The following ZFR variants were observed in gnomAD, a reference collection of about 807,000 sequenced individuals.
The protein encoded by ZFR is zinc finger RNA-binding protein.
A neutral mutation model predicts 130.7 loss-of-function variants in ZFR; 19 were observed. The observed-to-expected ratio is 0.15, with a 90% confidence interval of 0.10 to 0.21. The LOEUF (loss-of-function observed/expected upper bound fraction) is 0.21. Ranked by LOEUF, ZFR falls within the 10% of genes least tolerant of loss-of-function variation. The pLI, the probability that ZFR is intolerant of heterozygous loss-of-function variation, is 1.00. For synonymous variants in ZFR, 466 were observed against 456.9 expected (o/e 1.02, Z -0.25); for missense variants, 872 against 1,321.5 (o/e 0.66, Z 5.27).
intron 5 of ZFR, among the ~76,000 whole-genome samples, chr5:32,412,448 C>G (rs1052212443): frequency 6.6e-6 from 1 of 152,170 alleles, no homozygotes; most frequent in Non-Finnish European, 1.5e-5. Flanking sequence ...AGCAAACTAA[C>G]AAAGAATGGC....
chr5:32,373,254 G>A (rs1020153066), intron 17 of ZFR, among the ~76,000 whole-genome samples: 13 of 152,058 alleles, frequency 8.5e-5, no homozygotes, highest in African/African-American at 2.9e-4. Context: ...TTAGTCAGGC[G>A]TGGTGGTGCA....
chr5:32,379,255 T>G, intron 16 of ZFR, 45 bp from the exon 17 acceptor site: 1 of 1,513,686 alleles, frequency 6.6e-7, no homozygotes. Flanking sequence ...TTAGAAATAC[T>G]GAATATATCC....
At chr5:32,433,770 G>A (rs184175595) in intron 2 of ZFR, among the ~76,000 whole-genome samples, 2 of 152,292 alleles carry the variant, frequency 1.3e-5, no homozygotes, top group African/African-American at 2.4e-5. Flanking sequence ...ATATTTTAGT[G>A]CACAAACTTC....
chr5:32,399,674 A>G (rs1209166444), intron 9 of ZFR, among the ~76,000 whole-genome samples: 1 of 152,222 alleles, frequency 6.6e-6, no homozygotes, highest in Non-Finnish European at 1.5e-5. Context: ...TCTCTTTATC[A>G]ACATTTTTGC....
At chr5:32,389,574 C>G (rs368292570) in intron 12 of ZFR, among the ~76,000 whole-genome samples, 2 of 152,078 alleles carry the variant, frequency 1.3e-5, no homozygotes, top group East Asian at 3.9e-4. Flanking sequence ...ACCGGCTACT[C>G]GGGAAGCTGA....
intron 2 of ZFR, among the ~76,000 whole-genome samples, chr5:32,441,001 GTC>G (rs1318031834): frequency 6.6e-6 from 1 of 152,150 alleles, no homozygotes; most frequent in African/African-American, 2.4e-5. Context: ...TTGAGACGGA[GTC>G]TGTCTCTGTT....
chr5:32,363,847 AATATTAT>A lies in ZFR; in HGVS notation c.3045+94_3045+100del. ...TGCTTACTACAGAAGCAGAAGAACG[AATATTAT>A]ATAGTGACTTATAATATTCCTTAAG... On this transcript the variant is annotated intron_variant, in intron 19 of 19. Coordinates refer to ENST00000265069, the MANE Select transcript of ZFR (RefSeq NM_016107.5). 3.1e-6 allele frequency: 3 copies of A among 972,526 alleles called. No individual in the cohort carries two copies. The South Asian group carries it at 6.6e-5, about 21-fold the overall frequency. 60.2% of individuals were successfully genotyped at this position (972,526 alleles called of 1,614,324 possible).
At chr5:32,441,569 T>C (rs1754475513) in intron 2 of ZFR, among the ~76,000 whole-genome samples, 1 of 152,094 alleles carries the variant, frequency 6.6e-6, no homozygotes, top group African/African-American at 2.4e-5. Flanking sequence ...ACTTAAGATT[T>C]TCCTGAGTTT....
rs193270568 is a variant in ZFR, at chr5:32,397,492, C to T, written c.1714-154G>A. ...TCCCCAGGACAGAGTCTTGCTCTGT[C>T]GCCCATGCTGGAGTGCAGTGGTTTG... On this transcript the variant is annotated intron_variant, in intron 9 of 19. Transcript: ENST00000265069. Among the ~76,000 whole-genome samples the T allele has an allele frequency of 2.8e-3, 429 of 152,182 alleles. 2 individuals are homozygous for T. Among genetic ancestry groups the T allele is most frequent in the Non-Finnish European group, 4.8e-3 (325 of 68,004 alleles).
Position 32,395,275 on chromosome 5 carries a change from T to C in ZFR, c.1863A>G (p.Glu621=). Residue 621 remains glutamate (E), a synonymous_variant, in exon 11 of 20, where the codon GAA becomes GAG. Coordinates refer to ENST00000265069, the MANE Select transcript of ZFR (RefSeq NM_016107.5). The part of the protein sequence containing the change: ...KKKVNPDLQV[E]VKPSIRARKI... ...TTCTTGCTCGAATACTAGGCTTTAC[T>C]TCTACTTGCAAATCTGGATTTACTT... 6.3e-7 allele frequency: 1 copy of C among 1,594,880 alleles called. No individual in the cohort carries two copies. The highest frequency in any genetic ancestry group is 8.5e-7 in the Non-Finnish European group (1 of 1,173,242).
In ZFR at chr5:32,415,033, C is replaced by A. The variant is rs1163978499; in HGVS notation, c.720G>T (p.Ala240=). The A allele has an allele frequency of 1.2e-6, 2 of 1,614,014 alleles. No homozygotes were observed. The highest frequency in any genetic ancestry group is 1.7e-6 in the Non-Finnish European group (2 of 1,179,978). ...VSSTVQPVAA[A]ATVVPSYTQS... ...GAGTATAGGATGGCACCACAGTAGC[C>A]GCAGCTGCTACTGGCTGTACGGTGG... The change falls in exon 5 of 20, where the codon GCG becomes GCT. Residue 240 remains alanine (A), a synonymous_variant. Coordinates refer to ENST00000265069, the MANE Select transcript of ZFR (RefSeq NM_016107.5).
chr5:32,413,196 AAAAACAAAAC>A (rs1554073448), intron 5 of ZFR, among the ~76,000 whole-genome samples: 2 of 151,662 alleles, frequency 1.3e-5, no homozygotes, highest in Non-Finnish European at 2.9e-5. Flanking sequence ...TAATCTCAAA[AAAAACAAAAC>A]AAAACAAAAC....
chr5:32,391,515 G>A (rs567259699), intron 11 of ZFR, among the ~76,000 whole-genome samples: 40 of 140,704 alleles, frequency 2.8e-4, no homozygotes, highest in African/African-American at 9.7e-4. Context: ...CAACATATGC[G>A]AAATCTACTC....
At chr5:32,359,305 G>A (rs1225533244) in intron 19 of ZFR, among the ~76,000 whole-genome samples, 4 of 139,382 alleles carry the variant, frequency 2.9e-5, no homozygotes, top group Non-Finnish European at 1.5e-5. Flanking sequence ...ATTTTTTTGC[G>A]ATTTTTTTTT....
At chr5:32,379,907 T>C (rs1752899095) in intron 16 of ZFR, 168 bp downstream of exon 16, 1 of 519,030 alleles carries the variant, frequency 1.9e-6, no homozygotes, top group Non-Finnish European at 3.4e-6. Flanking sequence ...ATAACTGCAA[T>C]ATGCAGATCA....
At position 32,415,038 on chromosome 5, in the gene ZFR, C is replaced by G; in HGVS notation, c.715G>C (p.Ala239Pro). The change falls in exon 5 of 20, where the codon GCT becomes CCT. Residue 239 changes from alanine (A) to proline (P), a missense_variant. Ala to Pro is a conservative substitution (Grantham distance 27). Coordinates refer to ENST00000265069, the MANE Select transcript of ZFR (RefSeq NM_016107.5). ...PVSSTVQPVA[A>P]AATVVPSYTQ... ...TAGGATGGCACCACAGTAGCCGCAG[C>G]TGCTACTGGCTGTACGGTGGAGGAT... The G allele has an allele frequency of 6.2e-7, 1 of 1,614,076 alleles. No homozygotes were observed. Among genetic ancestry groups the G allele is most frequent in the Non-Finnish European group, 8.5e-7 (1 of 1,179,988 alleles).
rs79563531 is a variant in ZFR, at chr5:32,434,107, T to C, written c.137+10122A>G. ...AAAAAGGTGAAAGAATTCTGCCAAG[T>C]ATCTGCTTAGCAAAATAGGATATTC... On this transcript the variant is annotated intron_variant, in intron 2 of 19. Transcript: ENST00000265069. Among the ~76,000 whole-genome samples, 32 of 152,368 alleles carry C rather than the reference T, an allele frequency of 2.1e-4. No individual in the cohort carries two copies. In the East Asian group the frequency reaches 6.0e-3, roughly 28 times the overall value.
chr5:32,359,830 A>G (rs917164903), intron 19 of ZFR, among the ~76,000 whole-genome samples: 5 of 152,196 alleles, frequency 3.3e-5, no homozygotes, highest in Non-Finnish European at 5.9e-5. Flanking sequence ...CATGCCTGTA[A>G]TCCCAGCTAC....
chr5:32,394,572 T>C (rs1488001264), intron 11 of ZFR: 1 of 153,566 alleles, frequency 6.5e-6, no homozygotes, highest in East Asian at 1.9e-4. Flanking sequence ...ACTAGGTATG[T>C]GGGACACATG....
Sources: allele counts gnomAD v4.1 joint callset (sites outside exome capture counted in the v4.1 genomes callset), GRCh38; gene constraint gnomAD v4.1.1; transcripts MANE v1.5; gene names NCBI Gene and HGNC (gene_info 2026-07-23, HGNC 2026-07-21).